The following GMEB2 variants were observed in gnomAD, a reference collection of about 807,000 sequenced individuals.
GMEB2 encodes the protein glucocorticoid modulatory element binding protein 2, also known as glucocorticoid modulatory element-binding protein 2.
GMEB2 carries 7 observed loss-of-function variants against 45.7 expected under a neutral mutation model. That is an observed-to-expected ratio of 0.15 (90% confidence interval 0.09 to 0.29). The LOEUF is 0.29. Among genes scored for constraint, GMEB2 ranks in the 10% least tolerant of loss-of-function variants. GMEB2 has a pLI of 1.00. For synonymous variants in GMEB2, 322 were observed against 323.6 expected (o/e 1.00, Z 0.05); for missense variants, 582 against 739.2 (o/e 0.79, Z 2.47).
At chr20:63,599,616 G>A (rs532123446) in intron 4 of GMEB2, among the ~76,000 whole-genome samples, 2 of 152,302 alleles carry the variant, frequency 1.3e-5, no homozygotes, top group East Asian at 3.9e-4. Flanking sequence ...GCTACTGAGC[G>A]ATCCGTCTCT....
chr20:63,600,408 G>C (rs903264520), intron 4 of GMEB2, among the ~76,000 whole-genome samples: 1 of 151,474 alleles, frequency 6.6e-6, no homozygotes, highest in East Asian at 2.0e-4. Flanking sequence ...CTTGCTCTTC[G>C]GCTTTTGTCC....
intron 5 of GMEB2, among the ~76,000 whole-genome samples, chr20:63,596,308 A>C (rs1362187435): frequency 2.0e-5 from 3 of 152,214 alleles, no homozygotes; most frequent in South Asian, 2.1e-4. Context: ...CGTACGGCCC[A>C]AACTGCTGAG....
chr20:63,619,317 A>G lies in GMEB2; in HGVS notation c.81T>C (p.Gly27=). 1 of 1,612,936 alleles carries G rather than the reference A, an allele frequency of 6.2e-7. No individual in the cohort carries two copies. The highest frequency in any genetic ancestry group is 8.5e-7 in the Non-Finnish European group (1 of 1,179,832). ...TTPDTAVDGS[G]VEGVKTVLVT... ...CCAACACGGTCTTCACCCCCTCCAC[A>G]CCACTGCCGTCCACTGCAGTGTCCG... is the stretch of plus-strand genomic sequence containing the variant. The change falls in exon 2 of 10, where the codon GGT becomes GGC. Residue 27 remains glycine, a synonymous_variant. Coordinates refer to ENST00000370077, the MANE Select transcript of GMEB2 (RefSeq NM_012384.5). The surrounding 1 kb of genome is among the most constrained non-coding windows in gnomAD (Gnocchi z 4.6).
chr20:63,617,378 G>A (rs1020199366), intron 2 of GMEB2, among the ~76,000 whole-genome samples: 2 of 152,152 alleles, frequency 1.3e-5, no homozygotes, highest in African/African-American at 4.8e-5. Flanking sequence ...GGTAGAAAGC[G>A]AGTCCTCCCA....
In GMEB2 at chr20:63,616,542, G is replaced by A. The variant is rs376614423; in HGVS notation, c.131+2725C>T. On this transcript the variant is annotated intron_variant, in intron 2 of 9. Coordinates refer to ENST00000370077, the MANE Select transcript of GMEB2 (RefSeq NM_012384.5). ...GCTTCCAAAGTGTAAACCCAGAAGC[G>A]AGGAGCAGGAGGGTGCGCGCAGACG... 5.3e-5 allele frequency among the ~76,000 whole-genome samples: 8 copies of A among 152,258 alleles called. No individual in the cohort carries two copies. The East Asian group carries it at 5.8e-4, about 11-fold the overall frequency.
At chr20:63,598,154 C>T (rs969526422) in intron 4 of GMEB2, among the ~76,000 whole-genome samples, 1 of 152,222 alleles carries the variant, frequency 6.6e-6, no homozygotes, top group Non-Finnish European at 1.5e-5. Flanking sequence ...GTGGCCTTCT[C>T]TTCCTCCAGG....
At chr20:63,599,800 A>C (rs1019363379) in intron 4 of GMEB2, among the ~76,000 whole-genome samples, 1 of 152,162 alleles carries the variant, frequency 6.6e-6, no homozygotes, top group Non-Finnish European at 1.5e-5. Context: ...TTCCGGACTC[A>C]CTGCCTGCTC....
intron 1 of GMEB2, among the ~76,000 whole-genome samples, chr20:63,626,107 A>C (rs557682940): frequency 1.4e-4 from 22 of 152,218 alleles, no homozygotes; most frequent in Non-Finnish European, 3.1e-4. Flanking sequence ...GCTCCGACCA[A>C]CAGGGTCCAC....
chr20:63,602,214 C>CT (rs2083247292), intron 4 of GMEB2, among the ~76,000 whole-genome samples: 1 of 152,242 alleles, frequency 6.6e-6, no homozygotes, highest in South Asian at 2.1e-4. Flanking sequence ...TAACGACACT[C>CT]TCAGCTTGAG....
chr20:63,623,210 G>A (rs960716015), intron 1 of GMEB2, among the ~76,000 whole-genome samples: 1 of 152,182 alleles, frequency 6.6e-6, no homozygotes, highest in Non-Finnish European at 1.5e-5. Flanking sequence ...CCTGGAACAT[G>A]ATGAGCCGTT....
chr20:63,623,391 C>T lies in GMEB2; in HGVS notation c.-58+3565G>A, dbSNP rs1306684140. ...GCCAGGAAAGTTACAATGATGAATT[C>T]GTTTACACTGGCGGAATTACTTCGT... is the stretch of plus-strand genomic sequence containing the variant. On this transcript the variant is annotated intron_variant, in intron 1 of 9. Transcript: ENST00000370077. Among the ~76,000 whole-genome samples the T allele has an allele frequency of 2.0e-5, 3 of 152,128 alleles. 1 individual carries two copies. The highest frequency in any genetic ancestry group is 1.3e-4 in the Admixed American group (2 of 15,264).
chr20:63,599,517 G>A (rs945074940), intron 4 of GMEB2, among the ~76,000 whole-genome samples: 6 of 152,124 alleles, frequency 3.9e-5, no homozygotes, highest in African/African-American at 7.2e-5. Flanking sequence ...ACGACCTCAC[G>A]GTGTCGTCAC....
intron 2 of GMEB2, among the ~76,000 whole-genome samples, chr20:63,617,966 G>A (rs2089621174): frequency 1.3e-5 from 2 of 151,416 alleles, no homozygotes; most frequent in South Asian, 2.1e-4. Flanking sequence ...GGACTTCTCT[G>A]ACCAAGGGTC....
intron 4 of GMEB2, among the ~76,000 whole-genome samples, chr20:63,599,862 G>A (rs992824303): frequency 6.6e-6 from 1 of 152,202 alleles, no homozygotes; most frequent in African/African-American, 2.4e-5. Context: ...GCTACTGAGA[G>A]TGAAGCAGAG....
chr20:63,614,374 T>C (rs953721354), intron 2 of GMEB2, among the ~76,000 whole-genome samples: 1 of 152,220 alleles, frequency 6.6e-6, no homozygotes, highest in Admixed American at 6.5e-5. Context: ...AGCCTTCTGT[T>C]ATGCCTGGAC....
In GMEB2 at chr20:63,591,962, G is replaced by A. The variant is rs542509468; in HGVS notation, c.952+60C>T. 295 of 1,483,962 alleles carry A rather than the reference G, an allele frequency of 2.0e-4. 1 individual carries two copies. The highest frequency in any genetic ancestry group is 1.8e-4 in the Middle Eastern group (1 of 5,470). The allele number at this position is 1,483,962 out of a possible 1,614,324, so 91.9% of individuals were successfully genotyped here. A position where few individuals can be genotyped will look rare whatever the true frequency, so the allele number is the denominator to read the frequency against. On this transcript the variant is annotated intron_variant, in intron 9 of 9. Coordinates refer to ENST00000370077, the MANE Select transcript of GMEB2 (RefSeq NM_012384.5). Reference sequence around the variant, plus strand: ...GGATGCACAGCCGTGGGGTGAGCCCGTGGGCTCCAGGTCCTCAGCCTACCG... The same window carrying A: ...GGATGCACAGCCGTGGGGTGAGCCCATGGGCTCCAGGTCCTCAGCCTACCG...
At position 63,619,333 on chromosome 20, in the gene GMEB2, G is replaced by A. The variant is rs368702282; in HGVS notation, c.65C>T (p.Ala22Val). 2.4e-5 allele frequency: 38 copies of A among 1,612,830 alleles called. No individual in the cohort carries two copies. The African/African-American group carries it at 4.1e-4, about 18-fold the overall frequency. The change falls in exon 2 of 10, where the codon GCA becomes GTA. Residue 22 changes from alanine (A) to valine (V), a missense_variant. Ala to Val is a moderately conservative substitution (Grantham distance 64, BLOSUM62 0). This residue lies in a region of GMEB2 where 114 missense variants were observed against 123.4 expected (regional missense o/e 0.92). Coordinates refer to ENST00000370077, the MANE Select transcript of GMEB2 (RefSeq NM_012384.5). The surrounding 1 kb of genome is among the most constrained non-coding windows in gnomAD (Gnocchi z 4.6). The part of the protein sequence containing the change: ...EVVVVTTPDT[A>V]VDGSGVEGVK... ...CCCCTCCACACCACTGCCGTCCACT[G>A]CAGTGTCCGGAGTTGTCACAACCAC...
chr20:63,615,702 T>A (rs1053085554), intron 2 of GMEB2, among the ~76,000 whole-genome samples: 1 of 152,130 alleles, frequency 6.6e-6, no homozygotes, highest in Admixed American at 6.6e-5. Context: ...ACAAAGATCA[T>A]TAACTAAAGC....
intron 2 of GMEB2, among the ~76,000 whole-genome samples, chr20:63,613,371 G>A (rs945571847): frequency 6.6e-6 from 1 of 152,218 alleles, no homozygotes. Context: ...CCAGCCTCCA[G>A]GGCACTGCGC....
Sources: allele counts gnomAD v4.1 joint callset (sites outside exome capture counted in the v4.1 genomes callset), GRCh38; gene constraint gnomAD v4.1.1; regional missense constraint gnomAD v4.1.1; non-coding constraint Gnocchi (gnomAD v3.1); transcripts MANE v1.5; gene names NCBI Gene and HGNC (gene_info 2026-07-23, HGNC 2026-07-21).